Variants in RICTOR observed in about 807,000 individuals in gnomAD.
The protein encoded by RICTOR is rapamycin-insensitive companion of mTOR.
Under a neutral mutation model 214.9 loss-of-function variants are expected in RICTOR, and 49 were observed. That is an observed-to-expected ratio of 0.23 (90% CI 0.18 to 0.29). The LOEUF (loss-of-function observed/expected upper bound fraction) is 0.29. RICTOR is among the 10% of genes least tolerant of loss of function. RICTOR has a pLI of 1.00. For missense variants in RICTOR, 1,625 were observed against 2,047.0 expected, an observed-to-expected ratio of 0.79 and a Z score of 3.98; for synonymous variants, 717 against 711.3, an observed-to-expected ratio of 1.01 and a Z score of -0.13.
chr5:39,048,145 C>T (rs1187118030), intron 2 of RICTOR, among the ~76,000 whole-genome samples: 3 of 152,136 alleles, frequency 2.0e-5, no homozygotes, highest in Non-Finnish European at 2.9e-5. Context: ...ACATGGGTAC[C>T]ACCTGTGAGC....
intron 15 of RICTOR, 119 bp from the exon 16 acceptor site, chr5:38,965,011 TA>T (rs1288399733): frequency 1.9e-6 from 1 of 530,388 alleles, no homozygotes; most frequent in Non-Finnish European, 3.3e-6. Context: ...GTTTTACTCA[TA>T]AAATTAACTT....
chr5:39,025,788 G>A (rs1490753113), intron 2 of RICTOR, among the ~76,000 whole-genome samples: 2 of 152,092 alleles, frequency 1.3e-5, no homozygotes, highest in Non-Finnish European at 2.9e-5. Context: ...ACCTCCCAGA[G>A]GCCCACCTCC....
Position 38,966,717 on chromosome 5 carries a change from A to T in RICTOR, c.1223T>A (p.Leu408Gln). 1 of 1,536,428 alleles carries T rather than the reference A, an allele frequency of 6.5e-7. No homozygotes were observed. The highest frequency in any genetic ancestry group is 8.9e-7 in the Non-Finnish European group (1 of 1,118,518). Residue 408 changes from leucine to glutamine, a missense_variant, in exon 15 of 38, where the codon CTA becomes CAA. Physicochemically the swap from Leu to Gln is moderately radical, Grantham distance 113 (BLOSUM62 -2). Transcript: ENST00000357387. ...ATCACTGTTTGTTATCACTTCAACT[A>T]GACCCTTTGAAAATAAAAAGATAAC... ...AFIRNGLLEG[L>Q]VEVITNSDDH...
chr5:39,070,890 T>C (rs80207287), intron 2 of RICTOR, among the ~76,000 whole-genome samples: 3,493 of 152,288 alleles, frequency 0.023, 138 homozygotes, highest in African/African-American at 0.08. Context: ...TTTAATAATA[T>C]CATTAGCAAA....
rs147323848 is a variant in RICTOR, at chr5:38,955,355, AGTACTG to A, written c.2609+234_2609+239del. ...CCTGTAACAGTTTATCAGAGCTCAA[AGTACTG>A]GTAAGAGAATCTAGGCCTAGAAATA... On this transcript the variant is annotated intron_variant, in intron 26 of 37. Coordinates refer to ENST00000357387, the MANE Select transcript of RICTOR (RefSeq NM_152756.5). Among the ~76,000 whole-genome samples, 1,173 of 152,092 alleles carry A rather than the reference AGTACTG, an allele frequency of 7.7e-3. 16 individuals carry two copies. The highest frequency in any genetic ancestry group is 0.027 in the African/African-American group (1,123 of 41,562).
intron 33 of RICTOR, among the ~76,000 whole-genome samples, chr5:38,946,046 A>G (rs1456982054): frequency 6.6e-6 from 1 of 152,192 alleles, no homozygotes; most frequent in Non-Finnish European, 1.5e-5. Context: ...CATTAAGAAT[A>G]TAAAGCTATA....
At chr5:39,005,424 C>G (rs929349861) in intron 3 of RICTOR, among the ~76,000 whole-genome samples, 1 of 150,638 alleles carries the variant, frequency 6.6e-6, no homozygotes. Context: ...GTCTAATCTT[C>G]TATTACATGT....
rs1445686556 is a variant in RICTOR, at chr5:38,991,028, T to C, written c.504A>G (p.Ser168=). The change falls in exon 7 of 38, where the codon TCA becomes TCG. Residue 168 remains serine, a synonymous_variant. Transcript: ENST00000357387. ...ASLFPSSVTN[S]LIAVGNDGLQ... ...GTCCATCATTTCCAACTGCAATTAA[T>C]GAGTTGGTCACAGAACTAGGAAACA... 6.3e-7 allele frequency: 1 copy of C among 1,598,648 alleles called. No individual in the cohort carries two copies. Among genetic ancestry groups the C allele is most frequent in the African/African-American group, 1.3e-5 (1 of 74,514 alleles).
At chr5:39,021,512 G>C (rs1467069969) in intron 2 of RICTOR, among the ~76,000 whole-genome samples, 1 of 152,148 alleles carries the variant, frequency 6.6e-6, no homozygotes, top group Non-Finnish European at 1.5e-5. Context: ...CCCATGAATG[G>C]ATTGTTAAGG....
intron 6 of RICTOR, among the ~76,000 whole-genome samples, chr5:38,995,599 TGTTA>T (rs1276889798): frequency 6.6e-6 from 1 of 152,112 alleles, no homozygotes; most frequent in Non-Finnish European, 1.5e-5. Context: ...TTCATAAAAA[TGTTA>T]TTTATATTTG....
chr5:39,069,570 C>T (rs1759158808), intron 2 of RICTOR, among the ~76,000 whole-genome samples: 1 of 152,194 alleles, frequency 6.6e-6, no homozygotes, highest in African/African-American at 2.4e-5. Flanking sequence ...ACTGGATGGG[C>T]AGCCTCTACA....
intron 6 of RICTOR, among the ~76,000 whole-genome samples, chr5:38,995,849 T>C (rs1753142159): frequency 6.6e-6 from 1 of 152,188 alleles, no homozygotes; most frequent in Non-Finnish European, 1.5e-5. Flanking sequence ...ACAGTTCGCC[T>C]ATAACAAGAG....
At chr5:39,031,819 A>G (rs190392187) in intron 2 of RICTOR, among the ~76,000 whole-genome samples, 23 of 152,336 alleles carry the variant, frequency 1.5e-4, no homozygotes, top group Admixed American at 1.4e-3. Context: ...AATATCATCT[A>G]TGATTATTGT....
At chr5:39,042,247 C>T (rs933239482) in intron 2 of RICTOR, among the ~76,000 whole-genome samples, 2 of 152,110 alleles carry the variant, frequency 1.3e-5, no homozygotes, top group Admixed American at 1.3e-4. Flanking sequence ...AGAACCTACT[C>T]TATGAAATAT....
intron 26 of RICTOR, among the ~76,000 whole-genome samples, chr5:38,955,331 C>T (rs1579903046): frequency 6.6e-6 from 1 of 151,798 alleles, no homozygotes; most frequent in East Asian, 1.9e-4. Flanking sequence ...GATGTTCAAC[C>T]TGTAACAGTT....
rs144269248 is a variant in RICTOR at position 38,945,513 on chromosome 5, C to A, written c.4611G>T (p.Leu1537=). The A allele has an allele frequency of 3.6e-4, 581 of 1,612,966 alleles. 3 individuals are homozygous for A. The highest frequency in any genetic ancestry group is 3.0e-4 in the Admixed American group (18 of 59,996). Reference sequence around the variant, plus strand: ...TACCTGAATGACTACATATTGCACTCAGTTGGTTGCTGGGCTGGAAACCCA... The same window carrying A: ...TACCTGAATGACTACATATTGCACTAAGTTGGTTGCTGGGCTGGAAACCCA... The part of the protein sequence containing the change: ...EILGFQPSNQ[L]SAICSHSDFQ... Residue 1537 remains leucine, a synonymous_variant, in exon 34 of 38, where the codon CTG becomes CTT. Transcript: ENST00000357387.
intron 10 of RICTOR, among the ~76,000 whole-genome samples, 167 bp from the exon 11 acceptor site, chr5:38,972,126 T>C (rs1029293041): frequency 6.6e-6 from 1 of 152,232 alleles, no homozygotes; most frequent in African/African-American, 2.4e-5. Flanking sequence ...ATTTGAAGCA[T>C]ACTCTGTATT....
At chr5:39,020,603 T>C (rs1755346891) in intron 3 of RICTOR, among the ~76,000 whole-genome samples, 1 of 152,246 alleles carries the variant, frequency 6.6e-6, no homozygotes, top group South Asian at 2.1e-4. Context: ...ACATAACTTT[T>C]TATATTCACT....
At chr5:39,058,689 T>A (rs1408779657) in intron 2 of RICTOR, among the ~76,000 whole-genome samples, 2 of 152,162 alleles carry the variant, frequency 1.3e-5, no homozygotes, top group Admixed American at 1.3e-4. Flanking sequence ...TAACAAATAT[T>A]GATATTTCCA....
Sources: allele counts gnomAD v4.1 joint callset (sites outside exome capture counted in the v4.1 genomes callset), GRCh38; gene constraint gnomAD v4.1.1; transcripts MANE v1.5; gene names NCBI Gene and HGNC (gene_info 2026-07-23, HGNC 2026-07-21).